Variants in ACYP2 observed in about 807,000 individuals in gnomAD.
ACYP2 encodes acylphosphatase 2.
In ACYP2, 12 loss-of-function variants were observed where a neutral mutation model predicts 11.2. The ratio of observed to expected loss-of-function variants is 1.08; its 90% CI spans 0.69 to 1.74. The LOEUF is 1.74. Ranked by LOEUF, ACYP2 falls within the 40% of genes most tolerant of loss-of-function variation. The pLI, the probability that ACYP2 is intolerant of heterozygous loss-of-function variation, is 0.00. For synonymous variants in ACYP2, 43 were observed against 32.2 expected (o/e 1.33, Z -1.13); for missense variants, 134 against 101.9 (o/e 1.31, Z -1.35).
rs77750650 is a variant in ACYP2 at position 54,138,125 on chromosome 2, G to C, written c.295-514G>C. Among the ~76,000 whole-genome samples the C allele has an allele frequency of 2.1e-3, 326 of 152,196 alleles. 4 individuals carry two copies. The East Asian group carries it at 0.034, about 16-fold the overall frequency. On this transcript the variant is annotated intron_variant, in intron 5 of 6. Coordinates refer to ENST00000607452, the MANE Select transcript of ACYP2 (RefSeq NM_001320586.2). ...TCCTTGCCTACTTTTTAATGGGGTT[G>C]TTTATAATTTTCTTATTAAAATGAT...
At chr2:54,129,495 A>G (rs900349160) in intron 4 of ACYP2, among the ~76,000 whole-genome samples, 1 of 151,912 alleles carries the variant, frequency 6.6e-6, no homozygotes, top group Non-Finnish European at 1.5e-5. Context: ...CAAGATTATG[A>G]TTGGCACTAA....
chr2:54,096,071 C>T (rs1473413260), intron 4 of ACYP2, among the ~76,000 whole-genome samples: 1 of 134,930 alleles, frequency 7.4e-6, no homozygotes, highest in African/African-American at 2.9e-5. Flanking sequence ...CACCTCCCTC[C>T]CGGACGGGGT....
Position 54,288,868 on chromosome 2 carries a change from G to A in ACYP2, c.405-15820G>A, listed in dbSNP as rs74917694. Among the ~76,000 whole-genome samples, 1,344 of 152,062 alleles carry A rather than the reference G, an allele frequency of 8.8e-3. 42 individuals carry two copies. Among genetic ancestry groups the A allele is most frequent in the African/African-American group, 0.031 (1,289 of 41,346 alleles). ...TCTGGATGATTGCCAAGTCCAAACTGCACTTTGTAGACCCAATCTCAGGGA... is the reference window on the plus strand; with the variant it reads ...TCTGGATGATTGCCAAGTCCAAACTACACTTTGTAGACCCAATCTCAGGGA... On this transcript the variant is annotated intron_variant, in intron 6 of 6. Coordinates refer to ENST00000607452, the MANE Select transcript of ACYP2 (RefSeq NM_001320586.2).
chr2:54,111,778 A>G (rs921506711), intron 4 of ACYP2, among the ~76,000 whole-genome samples: 2 of 152,240 alleles, frequency 1.3e-5, no homozygotes, highest in African/African-American at 2.4e-5. Flanking sequence ...TGATTACAAA[A>G]ATATTTCAGG....
chr2:54,300,998 C>A (rs1689702665), intron 6 of ACYP2, among the ~76,000 whole-genome samples: 1 of 151,954 alleles, frequency 6.6e-6, no homozygotes. Flanking sequence ...ATTTATATTC[C>A]TTTCCCTTTC....
At chr2:54,295,760 C>T (rs1466143008) in intron 6 of ACYP2, among the ~76,000 whole-genome samples, 4 of 151,970 alleles carry the variant, frequency 2.6e-5, no homozygotes, top group African/African-American at 9.7e-5. Flanking sequence ...TATCCTGCCA[C>T]CTTCTTTTTT....
chr2:53,982,153 A>G (rs1671796093), intron 2 of ACYP2, among the ~76,000 whole-genome samples: 1 of 152,172 alleles, frequency 6.6e-6, no homozygotes, highest in African/African-American at 2.4e-5. Flanking sequence ...CCTACCCCCC[A>G]GTTTTTATAT....
chr2:54,274,156 A>T (rs948820294), intron 6 of ACYP2, among the ~76,000 whole-genome samples: 14 of 152,318 alleles, frequency 9.2e-5, no homozygotes, highest in Middle Eastern at 3.4e-3. Flanking sequence ...GAAGGCAAGG[A>T]GGAGCAGTCA....
chr2:54,085,875 G>GTA (rs150582797), intron 4 of ACYP2, among the ~76,000 whole-genome samples: 3,534 of 151,596 alleles, frequency 0.023, 137 homozygotes, highest in African/African-American at 0.079. Context: ...GGAAAAATAT[G>GTA]TATATATATA....
At chr2:54,153,567 C>G (rs1682291715) in intron 6 of ACYP2, among the ~76,000 whole-genome samples, 1 of 146,990 alleles carries the variant, frequency 6.8e-6, no homozygotes, top group Non-Finnish European at 1.5e-5. Context: ...TGCATTGAAG[C>G]TGAAGGTCAT....
chr2:54,134,829 A>G (rs564582242), intron 4 of ACYP2, among the ~76,000 whole-genome samples: 20 of 152,342 alleles, frequency 1.3e-4, no homozygotes, highest in Non-Finnish European at 2.5e-4. Context: ...AACCCTCGAT[A>G]TGCTAAGCAT....
intron 2 of ACYP2, among the ~76,000 whole-genome samples, chr2:54,013,305 GTGTGTGTGTGTT>G (rs1163667923): frequency 7.2e-5 from 10 of 139,712 alleles, no homozygotes; most frequent in Non-Finnish European, 1.2e-4. Flanking sequence ...GTGTGTGTGT[GTGTGTGTGTGTT>G]TTGAGACAGA....
intron 2 of ACYP2, among the ~76,000 whole-genome samples, chr2:54,005,511 T>C (rs1673019113): frequency 1.3e-5 from 2 of 152,268 alleles, no homozygotes; most frequent in South Asian, 4.1e-4. Flanking sequence ...GGCTAATTTT[T>C]GTATTTTTAG....
rs773487950 is a variant in ACYP2 at position 54,050,950 on chromosome 2, T to A, written c.63-8T>A. The A allele has an allele frequency of 7.4e-6, 3 of 407,702 alleles. No individual in the cohort carries two copies. The highest frequency in any genetic ancestry group is 1.3e-5 in the Non-Finnish European group (3 of 232,242). 25.3% of individuals were successfully genotyped at this position (407,702 alleles called of 1,614,324 possible). A position where few individuals can be genotyped will look rare whatever the true frequency, so the allele number is the denominator to read the frequency against. The stretch of plus-strand genomic sequence containing the variant: ...CCCAACTAATTAAATTTTTTTCTTT[T>A]TTTGTAGATACAAGGTCTCGCTGTT... On this transcript the variant is annotated splice_region_variant and splice_polypyrimidine_tract_variant and intron_variant, in intron 2 of 6. Coordinates refer to ENST00000607452, the MANE Select transcript of ACYP2 (RefSeq NM_001320586.2).
At chr2:54,219,768 G>A (rs10184091) in intron 6 of ACYP2, among the ~76,000 whole-genome samples, 1,811 of 150,806 alleles carry the variant, frequency 0.012, 39 homozygotes, top group African/African-American at 0.042. Flanking sequence ...ACAGGTGTGC[G>A]CCACCACACC....
At chr2:54,049,975 C>T (rs2104569937) in intron 2 of ACYP2, among the ~76,000 whole-genome samples, 1 of 152,250 alleles carries the variant, frequency 6.6e-6, no homozygotes, top group African/African-American at 2.4e-5. Context: ...CAAGTGTGCT[C>T]ATTGCTACTG....
chr2:54,253,992 G>C (rs775736724), intron 6 of ACYP2: 6 of 152,160 alleles, frequency 3.9e-5, no homozygotes, highest in African/African-American at 4.8e-5. Context: ...TGAGAGAAAA[G>C]AAAGTGTACA....
At chr2:54,227,806 T>C (rs1417505858) in intron 6 of ACYP2, among the ~76,000 whole-genome samples, 6 of 152,244 alleles carry the variant, frequency 3.9e-5, no homozygotes, top group African/African-American at 1.4e-4. Context: ...CAGATATGAA[T>C]AGTGGTACCT....
chr2:54,292,362 G>A (rs1689346463), intron 6 of ACYP2, among the ~76,000 whole-genome samples: 1 of 151,802 alleles, frequency 6.6e-6, no homozygotes, highest in Non-Finnish European at 1.5e-5. Context: ...ATGTCTTATA[G>A]GTATAAAATA....
Sources: allele counts gnomAD v4.1 joint callset (sites outside exome capture counted in the v4.1 genomes callset), GRCh38; gene constraint gnomAD v4.1.1; transcripts MANE v1.5; gene names NCBI Gene and HGNC (gene_info 2026-07-23, HGNC 2026-07-21).